ZNF599: variants seen among roughly 807,000 people sequenced by gnomAD.
ZNF599 encodes zinc finger protein 599.
In ZNF599, 10 loss-of-function variants were observed where a neutral mutation model predicts 11.7. The ratio of observed to expected loss-of-function variants is 0.86; its 90% CI spans 0.53 to 1.45. The LOEUF (loss-of-function observed/expected upper bound fraction) is 1.45, where lower values mean the gene tolerates loss of function less well. ZNF599 is among the 40% of genes most tolerant of loss of function. The pLI, the probability that ZNF599 is intolerant of heterozygous loss-of-function variation, is 0.00. For synonymous variants in ZNF599, 232 were observed against 253.2 expected, an observed-to-expected ratio of 0.92 and a Z score of 0.79; for missense variants, 688 against 713.6, an observed-to-expected ratio of 0.96 and a Z score of 0.41.
chr19:34,788,268 T>C, the ZNF599 span, among the ~76,000 whole-genome samples: 144,423 of 152,264 alleles, frequency 0.95, 68,875 homozygotes, highest in Middle Eastern at 0.99. Context: ...TCAATACTCT[T>C]ACTTCCTCTT....
At chr19:34,775,872 C>T (rs993362254), upstream of ZNF599, among the ~76,000 whole-genome samples, 7 of 152,000 alleles carry the variant, frequency 4.6e-5, no homozygotes. Context: ...TGCGAAAATA[C>T]AAAACTTGGA....
At chr19:34,777,183 C>T (rs2069219290), upstream of ZNF599, among the ~76,000 whole-genome samples, 1 of 145,612 alleles carries the variant, frequency 6.9e-6, no homozygotes, top group African/African-American at 2.6e-5. Flanking sequence ...CCAAAAGGGA[C>T]ATAAAGGGGA....
the ZNF599 span, among the ~76,000 whole-genome samples, chr19:34,799,902 C>T: frequency 3.9e-5 from 6 of 152,238 alleles, no homozygotes; most frequent in Admixed American, 3.3e-4. Flanking sequence ...GCATTCCCAG[C>T]ATCCTTTATA....
upstream of ZNF599, among the ~76,000 whole-genome samples, chr19:34,777,756 T>A (rs1238683192): frequency 6.6e-6 from 1 of 151,036 alleles, no homozygotes; most frequent in East Asian, 1.9e-4. Context: ...CCCACTTATA[T>A]GAGGTATCAA....
chr19:34,794,833 A>C, the ZNF599 span, among the ~76,000 whole-genome samples: 2 of 152,182 alleles, frequency 1.3e-5, no homozygotes, highest in Admixed American at 1.3e-4. Flanking sequence ...AGCCTCCCAA[A>C]GTGCTAGGAT....
chr19:34,799,043 C>T, the ZNF599 span, among the ~76,000 whole-genome samples: 1 of 152,058 alleles, frequency 6.6e-6, no homozygotes, highest in African/African-American at 2.4e-5. Flanking sequence ...ATTCTGTCAC[C>T]CAGGCTGGAG....
chr19:34,799,584 CA>C, the ZNF599 span, among the ~76,000 whole-genome samples: 4 of 152,146 alleles, frequency 2.6e-5, no homozygotes, highest in African/African-American at 9.7e-5. Flanking sequence ...GCCCTAACCC[CA>C]GTGTGACTAT....
the ZNF599 span, among the ~76,000 whole-genome samples, chr19:34,801,402 A>G: frequency 6.6e-6 from 1 of 152,236 alleles, no homozygotes; most frequent in East Asian, 1.9e-4. Context: ...TGTTCCCTGC[A>G]CTAATAAGGT....
chr19:34,761,234 T>C (rs1218878539), intron 3 of ZNF599, among the ~76,000 whole-genome samples: 2 of 152,162 alleles, frequency 1.3e-5, no homozygotes, highest in Non-Finnish European at 2.9e-5. Flanking sequence ...TAGATGAACA[T>C]AATGAGTCTG....
chr19:34,769,579 A>G (rs1042548957), intron 1 of ZNF599, 24 bp from the exon 2 acceptor site: 1 of 1,608,074 alleles, frequency 6.2e-7, no homozygotes. Context: ...CAGAGGTGAC[A>G]GGTGGCTGTG....
In ZNF599 at chr19:34,772,960, A is replaced by T. The variant is rs2069194799; in HGVS notation, c.-119T>A. Reference sequence around the variant, plus strand: ...GACCTCAGTCCCCGCCGTCGTGTAAAATGCACACAAGGTTCGCGGCGCCGC... The same window carrying T: ...GACCTCAGTCCCCGCCGTCGTGTAATATGCACACAAGGTTCGCGGCGCCGC... On this transcript the variant is annotated 5_prime_UTR_variant, in exon 1 of 4. Transcript: ENST00000329285. 20 of 1,231,268 alleles carry T rather than the reference A, an allele frequency of 1.6e-5. No individual in the cohort carries two copies. Among genetic ancestry groups the T allele is most frequent in the Non-Finnish European group, 2.1e-5 (20 of 934,720 alleles). 76.3% of individuals were successfully genotyped at this position (1,231,268 alleles called of 1,614,324 possible).
upstream of ZNF599, among the ~76,000 whole-genome samples, chr19:34,777,435 T>C (rs1171919874): frequency 1.0e-5 from 1 of 95,976 alleles, no homozygotes; most frequent in Non-Finnish European, 1.9e-5. Context: ...ATATATAATA[T>C]ATGATATATA....
At chr19:34,781,092 T>C in the ZNF599 span, among the ~76,000 whole-genome samples, 2 of 150,670 alleles carry the variant, frequency 1.3e-5, no homozygotes, top group Non-Finnish European at 3.0e-5. Context: ...GGAGGCGGAG[T>C]TTGCAGTGAG....
chr19:34,778,322 T>A, the ZNF599 span, among the ~76,000 whole-genome samples: 597 of 150,114 alleles, frequency 4.0e-3, 3 homozygotes, highest in African/African-American at 0.01. Context: ...TAATAAAAAA[T>A]ATATATATAT....
chr19:34,778,602 C>T, the ZNF599 span, among the ~76,000 whole-genome samples: 3 of 152,164 alleles, frequency 2.0e-5, no homozygotes, highest in African/African-American at 7.2e-5. Context: ...ATTTTGTTGA[C>T]TGTACAGCCT....
intron 3 of ZNF599, among the ~76,000 whole-genome samples, chr19:34,761,768 C>T (rs959556051): frequency 6.6e-6 from 1 of 152,212 alleles, no homozygotes; most frequent in Middle Eastern, 3.4e-3. Context: ...ATACCACATA[C>T]AGAATTACCT....
At chr19:34,800,829 A>G in the ZNF599 span, among the ~76,000 whole-genome samples, 1 of 152,058 alleles carries the variant, frequency 6.6e-6, no homozygotes, top group African/African-American at 2.4e-5. Context: ...TCCTGACCTC[A>G]AGTGATCTGC....
At chr19:34,779,655 G>T in the ZNF599 span, 1 of 312,616 alleles carries the variant, frequency 3.2e-6, no homozygotes, top group Non-Finnish European at 6.3e-6. Flanking sequence ...TCTCCAATGT[G>T]GATTTGCTGA....
chr19:34,805,291 A>G, the ZNF599 span, among the ~76,000 whole-genome samples: 8,444 of 143,726 alleles, frequency 0.059, 751 homozygotes, highest in African/African-American at 0.2. Context: ...TCTGCCTCCC[A>G]GGTTCAAGCA....
Sources: allele counts gnomAD v4.1 joint callset (sites outside exome capture counted in the v4.1 genomes callset), GRCh38; gene constraint gnomAD v4.1.1; transcripts MANE v1.5; gene names NCBI Gene and HGNC (gene_info 2026-07-23, HGNC 2026-07-21).